ARHGAP35: variants seen among roughly 807,000 people sequenced by gnomAD.
ARHGAP35 encodes rho GTPase-activating protein 35.
Under a neutral mutation model 111.1 loss-of-function variants are expected in ARHGAP35, and 15 were observed. The observed-to-expected ratio is 0.13, with a 90% CI of 0.09 to 0.21. The LOEUF (loss-of-function observed/expected upper bound fraction) is 0.21, where lower values mean the gene tolerates loss of function less well. Among genes scored for constraint, ARHGAP35 ranks in the 10% least tolerant of loss-of-function variants. The pLI is 1.00. For synonymous variants in ARHGAP35, 643 were observed against 710.3 expected, an observed-to-expected ratio of 0.91 and a Z score of 1.51; for missense variants, 1,262 against 1,873.0, an observed-to-expected ratio of 0.67 and a Z score of 6.02.
Position 46,865,139 on chromosome 19 carries a change from G to T in ARHGAP35, c.-189+3930G>T, listed in dbSNP as rs532323889. On this transcript the variant is annotated intron_variant, in intron 1 of 6. Coordinates refer to ENST00000672722, the MANE Select transcript of ARHGAP35 (RefSeq NM_004491.5). ...CCATTTGCTTTCATGATGGGATTGGGTGCTACAGAAATGTGAGGTGGTAGC... is the reference window on the plus strand; with the variant it reads ...CCATTTGCTTTCATGATGGGATTGGTTGCTACAGAAATGTGAGGTGGTAGC... 5.3e-5 allele frequency among the ~76,000 whole-genome samples: 8 copies of T among 152,304 alleles called. No individual in the cohort carries two copies. In the South Asian group the frequency reaches 8.3e-4, roughly 16 times the overall value.
At chr19:46,960,527 A>G (rs1255928973) in intron 3 of ARHGAP35, among the ~76,000 whole-genome samples, 1 of 152,174 alleles carries the variant, frequency 6.6e-6, no homozygotes. Context: ...CAGATTGGAG[A>G]AAAAAATAGG....
intron 3 of ARHGAP35, among the ~76,000 whole-genome samples, chr19:46,954,521 C>T (rs947972263): frequency 4.6e-5 from 7 of 152,200 alleles, no homozygotes; most frequent in East Asian, 3.9e-4. Context: ...GATGAGCTCA[C>T]GCCTTTGTGT....
intron 3 of ARHGAP35, among the ~76,000 whole-genome samples, chr19:46,951,307 G>A (rs1485778970): frequency 6.6e-6 from 1 of 152,228 alleles, no homozygotes; most frequent in East Asian, 1.9e-4. Flanking sequence ...ATCCAGGACA[G>A]GGGGCGGGGA....
rs2056192479 is a variant in ARHGAP35, at chr19:46,920,556, G to A, written c.1881G>A (p.Val627=). The change falls in exon 2 of 7, where the codon GTG becomes GTA. Residue 627 remains valine, a synonymous_variant. Coordinates refer to ENST00000672722, the MANE Select transcript of ARHGAP35 (RefSeq NM_004491.5). This position sits in a 1 kb window ranked among gnomAD's most constrained non-coding sequence, Gnocchi z 7.0. ...TTTGTACAAATGATGACAAGTATGT[G>A]ATAGATGGTAAAATGTATGAGCTTT... ...RALCTNDDKY[V]IDGKMYELSL... is the part of the protein sequence containing the mutation. 1 of 1,613,886 alleles carries A rather than the reference G, an allele frequency of 6.2e-7. No homozygotes were observed. Among genetic ancestry groups the A allele is most frequent in the Admixed American group, 1.7e-5 (1 of 59,996 alleles).
chr19:46,880,983 C>T (rs1452176365), intron 1 of ARHGAP35, among the ~76,000 whole-genome samples: 4 of 139,694 alleles, frequency 2.9e-5, no homozygotes, highest in Non-Finnish European at 6.0e-5. Context: ...GAGTCTCTGT[C>T]ACTCAGGCTG....
Position 46,921,367 on chromosome 19 carries a change from A to G in ARHGAP35, c.2692A>G (p.Asn898Asp), listed in dbSNP as rs201791259. 4.2e-5 allele frequency: 67 copies of G among 1,613,860 alleles called. No individual in the cohort carries two copies. Among genetic ancestry groups the G allele is most frequent in the Non-Finnish European group, 5.3e-5 (62 of 1,179,896 alleles). ...TGATGGCGCTGTAGATGTCCTGGAC[A>G]ATGACTTAAGTAGGGAACAGCTAAC... ...LTDGAVDVLDNDLSREQLTEG... is the reference protein window; with the variant it reads ...LTDGAVDVLDDDLSREQLTEG... Residue 898 changes from asparagine (N) to aspartate (D), a missense_variant, in exon 2 of 7, where the codon AAT becomes GAT. Around this residue, in one of 8 missense-constraint regions of ARHGAP35, gnomAD observed 579 missense variants for 716.9 expected, o/e 0.81. Coordinates refer to ENST00000672722, the MANE Select transcript of ARHGAP35 (RefSeq NM_004491.5). This position sits in a 1 kb window ranked among gnomAD's most constrained non-coding sequence, Gnocchi z 4.3.
intron 3 of ARHGAP35, among the ~76,000 whole-genome samples, chr19:46,966,611 A>G (rs2056516572): frequency 1.3e-5 from 2 of 152,206 alleles, no homozygotes; most frequent in African/African-American, 4.8e-5. Context: ...CAAAGTCATG[A>G]CACCTCTCTG....
chr19:46,973,419 C>T (rs947247860), intron 3 of ARHGAP35, among the ~76,000 whole-genome samples: 1 of 152,098 alleles, frequency 6.6e-6, no homozygotes, highest in African/African-American at 2.4e-5. Context: ...CAGTGGCTCA[C>T]GCCTGTAATC....
At chr19:46,914,852 C>T (rs2056155547) in intron 1 of ARHGAP35, among the ~76,000 whole-genome samples, 1 of 152,192 alleles carries the variant, frequency 6.6e-6, no homozygotes, top group South Asian at 2.1e-4. Flanking sequence ...ATTAGACCCA[C>T]TTTACAGAGA....
intron 3 of ARHGAP35, among the ~76,000 whole-genome samples, chr19:46,971,580 A>G (rs2056549721): frequency 6.7e-6 from 1 of 148,950 alleles, no homozygotes; most frequent in Admixed American, 6.7e-5. Context: ...GCTCACTGCA[A>G]CTTCCCCCTC....
chr19:46,958,969 G>A (rs765854905), intron 3 of ARHGAP35, among the ~76,000 whole-genome samples: 7 of 152,116 alleles, frequency 4.6e-5, no homozygotes, highest in Non-Finnish European at 8.8e-5. Context: ...GGTTGCTTTT[G>A]TGTGATTCTC....
intron 2 of ARHGAP35, among the ~76,000 whole-genome samples, chr19:46,931,854 C>T (rs779772572): frequency 1.2e-4 from 18 of 152,180 alleles, no homozygotes; most frequent in Non-Finnish European, 2.2e-4. Context: ...GTTTTCTCAA[C>T]TGTAAAATGG....
intron 5 of ARHGAP35, among the ~76,000 whole-genome samples, chr19:46,998,726 G>T (rs1321765671): frequency 6.6e-6 from 1 of 152,240 alleles, no homozygotes; most frequent in African/African-American, 2.4e-5. Flanking sequence ...GGCAAAGTGT[G>T]GGCGTTGGGG....
chr19:46,921,069 C>A lies in ARHGAP35; in HGVS notation c.2394C>A (p.Asp798Glu). Residue 798 changes from aspartate (D) to glutamate (E), a missense_variant, in exon 2 of 7, where the codon GAC becomes GAA. Transcript: ENST00000672722. The surrounding 1 kb of genome is among the most constrained non-coding windows in gnomAD (Gnocchi z 4.3). ...LMCGDPFSAD[D>E]ILFPVLQSQT... is the part of the protein sequence containing the mutation. ...GTGGAGATCCTTTTAGTGCAGATGA[C>A]ATACTTTTTCCTGTCCTTCAGTCCC... 6.2e-7 allele frequency: 1 copy of A among 1,613,940 alleles called. No homozygotes were observed. The highest frequency in any genetic ancestry group is 8.5e-7 in the Non-Finnish European group (1 of 1,179,874).
chr19:46,905,657 C>T (rs1482321058), intron 1 of ARHGAP35, among the ~76,000 whole-genome samples: 1 of 151,890 alleles, frequency 6.6e-6, no homozygotes, highest in Non-Finnish European at 1.5e-5. Flanking sequence ...TCAAACGATT[C>T]TGGTGCCTCA....
chr19:46,887,758 C>T (rs542721923), intron 1 of ARHGAP35, among the ~76,000 whole-genome samples: 18 of 152,146 alleles, frequency 1.2e-4, no homozygotes, highest in Admixed American at 7.2e-4. Context: ...CCTCCCCGAC[C>T]GAACCAAAAA....
rs144655890 is a variant in ARHGAP35 at position 46,898,206 on chromosome 19, C to T, written c.-188-20282C>T. On this transcript the variant is annotated intron_variant, in intron 1 of 6. Transcript: ENST00000672722. ...GAAGTGAGCCGAGATCGCGCCACTG[C>T]ACTCCAGCCTGGCTACAATGCGAGA... Among the ~76,000 whole-genome samples the T allele has an allele frequency of 4.3e-3, 649 of 150,256 alleles. 5 individuals are homozygous for T. The highest frequency in any genetic ancestry group is 0.015 in the African/African-American group (608 of 40,806).
intron 1 of ARHGAP35, among the ~76,000 whole-genome samples, chr19:46,862,003 C>T (rs553928316): frequency 2.0e-5 from 3 of 152,344 alleles, no homozygotes; most frequent in African/African-American, 7.2e-5. Flanking sequence ...CGTGCCCCAG[C>T]TCATTCCCCT....
At chr19:46,976,216 T>TTA (rs1011020997) in intron 3 of ARHGAP35, among the ~76,000 whole-genome samples, 3 of 150,940 alleles carry the variant, frequency 2.0e-5, no homozygotes, top group African/African-American at 7.3e-5. Flanking sequence ...TCTCCTTTTT[T>TTA]TTTTTTTTTT....
Sources: gnomAD v4.1 joint callset for allele counts (sites outside exome capture counted in the v4.1 genomes callset) on GRCh38, gnomAD v4.1.1 for gene constraint, gnomAD v4.1.1 regional missense constraint, Gnocchi (gnomAD v3.1) non-coding constraint, MANE v1.5 for transcripts, NCBI Gene and HGNC (gene_info 2026-07-23, HGNC 2026-07-21) for gene names.